VAPA: variants seen among roughly 807,000 people sequenced by gnomAD.
VAPA encodes the protein VAMP associated protein A, also known as vesicle-associated membrane protein-associated protein A.
In VAPA, 6 loss-of-function variants were observed where a neutral mutation model predicts 25.6. The ratio of observed to expected loss-of-function variants is 0.23; its 90% CI spans 0.13 to 0.46. VAPA has a LOEUF of 0.46. Among genes scored for constraint, VAPA ranks in the 20% least tolerant of loss-of-function variants. VAPA has a pLI of 0.99. For synonymous variants in VAPA, 112 were observed against 106.2 expected, an observed-to-expected ratio of 1.05 and a Z score of -0.34; for missense variants, 244 against 302.1, an observed-to-expected ratio of 0.81 and a Z score of 1.43.
At chr18:9,943,850 T>A (rs573078608) in intron 4 of VAPA, among the ~76,000 whole-genome samples, 206 of 47,282 alleles carry the variant, frequency 4.4e-3, no homozygotes, top group African/African-American at 0.026. Context: ...CCTTTTTTTT[T>A]TTTTTTTTTT....
At chr18:9,934,290 T>C (rs2143353218) in intron 2 of VAPA, among the ~76,000 whole-genome samples, 1 of 152,308 alleles carries the variant, frequency 6.6e-6, no homozygotes, top group Non-Finnish European at 1.5e-5. Context: ...TTCAAGATCG[T>C]CTTTGTCTTG....
At position 9,942,031 on chromosome 18, in the gene VAPA, A is replaced by C. The variant is rs559401586; in HGVS notation, c.417+4965A>C. 5.3e-5 allele frequency among the ~76,000 whole-genome samples: 8 copies of C among 152,352 alleles called. No individual in the cohort carries two copies. The South Asian group carries it at 1.7e-3, about 32-fold the overall frequency. On this transcript the variant is annotated intron_variant, in intron 4 of 5. Transcript: ENST00000400000. ...TATGTTGTAAAAAGTATGTTAACTT[A>C]AGCAAAATCAGTTCAGCTTTTAACT... is the stretch of plus-strand genomic sequence containing the variant.
At chr18:9,948,369 A>G (rs977083676) in intron 4 of VAPA, 1 of 152,232 alleles carries the variant, frequency 6.6e-6, no homozygotes, top group Non-Finnish European at 1.5e-5. Context: ...AAGGCATAGA[A>G]TAGAATATTT....
At chr18:9,945,040 G>T (rs1211380859) in intron 4 of VAPA, 8 of 1,614,048 alleles carry the variant, frequency 5.0e-6, no homozygotes, top group Non-Finnish European at 5.9e-6. Context: ...TCAGTGTGTT[G>T]AAACAGGAGA....
intron 2 of VAPA, 109 bp from the exon 3 acceptor site, chr18:9,936,001 C>A: frequency 3.0e-6 from 2 of 666,334 alleles, no homozygotes; most frequent in Middle Eastern, 4.7e-4. Context: ...TTGCCAGATA[C>A]GGTTTAAGGC....
chr18:9,918,170 T>C (rs781367581), intron 1 of VAPA, among the ~76,000 whole-genome samples: 2 of 152,210 alleles, frequency 1.3e-5, no homozygotes, highest in African/African-American at 2.4e-5. Flanking sequence ...AAATTCCTTA[T>C]GACTCAGACC....
chr18:9,942,438 AGT>A (rs2069375576), intron 4 of VAPA, among the ~76,000 whole-genome samples: 1 of 150,652 alleles, frequency 6.6e-6, no homozygotes, highest in African/African-American at 2.5e-5. Context: ...ATTTTTTTTT[AGT>A]GTGTTTTAAC....
intron 1 of VAPA, among the ~76,000 whole-genome samples, chr18:9,919,247 T>G (rs1370340887): frequency 6.6e-6 from 1 of 152,240 alleles, no homozygotes; most frequent in African/African-American, 2.4e-5. Context: ...ATCTAATAAT[T>G]AAAATCTGTG....
At chr18:9,925,576 G>T (rs1567893042) in intron 1 of VAPA, among the ~76,000 whole-genome samples, 1 of 151,512 alleles carries the variant, frequency 6.6e-6, no homozygotes, top group Non-Finnish European at 1.5e-5. Context: ...TAGTTGCTGG[G>T]GATACAGCAG....
At chr18:9,935,030 G>A (rs570972560) in intron 2 of VAPA, among the ~76,000 whole-genome samples, 2 of 149,474 alleles carry the variant, frequency 1.3e-5, no homozygotes, top group East Asian at 3.9e-4. Context: ...GGGAGGCAGA[G>A]CTTGCAGTGA....
At position 9,950,617 on chromosome 18, in the gene VAPA, CAT is replaced by C. The variant is rs539016483; in HGVS notation, c.591+50_591+51del. The C allele has an allele frequency of 5.8e-5, 91 of 1,574,524 alleles. No homozygotes were observed. In the South Asian group the frequency reaches 1.1e-3, roughly 18 times the overall value. On this transcript the variant is annotated intron_variant, in intron 5 of 5. Coordinates refer to ENST00000400000, the MANE Select transcript of VAPA (RefSeq NM_194434.3). ...AATTGATTGAAATGAAGGTATAGGACATGTGAGTGTTATTAGGCCATTTTAGC... is the reference window on the plus strand; with the variant it reads ...AATTGATTGAAATGAAGGTATAGGACGTGAGTGTTATTAGGCCATTTTAGC...
intron 1 of VAPA, among the ~76,000 whole-genome samples, chr18:9,920,039 T>TATA (rs2069143631): frequency 6.6e-6 from 1 of 152,122 alleles, no homozygotes; most frequent in African/African-American, 2.4e-5. Flanking sequence ...TTTCTGCTTA[T>TATA]ATAACTGGGG....
At chr18:9,948,193 A>T in intron 4 of VAPA, 1 of 152,192 alleles carries the variant, frequency 6.6e-6, no homozygotes, top group Non-Finnish European at 1.5e-5. Context: ...GATAAATTCT[A>T]ATCTAATTCC....
Position 9,959,532 on chromosome 18 carries a change from A to G in VAPA, c.*5321A>G, listed in dbSNP as rs2069584006. On this transcript the variant is annotated 3_prime_UTR_variant, in exon 6 of 6. Coordinates refer to ENST00000400000, the MANE Select transcript of VAPA (RefSeq NM_194434.3). ...GAACAGAATGTGACTGGCCTTTTCT[A>G]ATGGTCCTTTAAGATTTAATGATTA... 1 of 152,098 alleles carries G rather than the reference A, an allele frequency of 6.6e-6. No individual in the cohort carries two copies. Among genetic ancestry groups the G allele is most frequent in the African/African-American group, 2.4e-5 (1 of 41,404 alleles). 9.4% of individuals were successfully genotyped at this position (152,098 alleles called of 1,614,324 possible).
intron 5 of VAPA, 198 bp downstream of exon 5, chr18:9,950,766 T>A (rs2069481904): frequency 1.8e-6 from 1 of 544,274 alleles, no homozygotes; most frequent in Admixed American, 3.5e-5. Context: ...GTTCCTTACT[T>A]TAGCACACAT....
chr18:9,942,111 A>T (rs4453571), intron 4 of VAPA, among the ~76,000 whole-genome samples: 2 of 152,092 alleles, frequency 1.3e-5, no homozygotes, highest in African/African-American at 4.8e-5. Context: ...TGGCATTTGT[A>T]TTTTTTTATT....
chr18:9,946,474 G>A (rs892385329), intron 4 of VAPA, among the ~76,000 whole-genome samples: 1 of 126,798 alleles, frequency 7.9e-6, no homozygotes, highest in Admixed American at 8.1e-5. Flanking sequence ...TTTTTTGTGT[G>A]ATTTTTTTTT....
intron 4 of VAPA, chr18:9,944,782 A>T (rs566155058): frequency 9.7e-7 from 1 of 1,035,320 alleles, no homozygotes; most frequent in Non-Finnish European, 1.3e-6. Context: ...TATTATTAGT[A>T]TTGTTTCTTA....
chr18:9,924,768 A>G (rs1204966362), intron 1 of VAPA: 2 of 152,148 alleles, frequency 1.3e-5, no homozygotes, highest in African/African-American at 4.8e-5. Context: ...TTTTGCCTAC[A>G]AATTCTAAAA....
Sources: allele counts gnomAD v4.1 joint callset (sites outside exome capture counted in the v4.1 genomes callset), GRCh38; gene constraint gnomAD v4.1.1; transcripts MANE v1.5; gene names NCBI Gene and HGNC (gene_info 2026-07-23, HGNC 2026-07-21).